Variants in HMOX1 observed in about 807,000 individuals in gnomAD.
The protein encoded by HMOX1 is heme oxygenase 1, also known as heat shock protein, 32-kD.
HMOX1 carries 22 observed loss-of-function variants against 27.8 expected under a neutral mutation model. That is an observed-to-expected ratio of 0.79 (90% CI 0.57 to 1.13). The LOEUF (loss-of-function observed/expected upper bound fraction) is 1.13. Ranked by LOEUF, HMOX1 falls within the 50% of genes most tolerant of loss-of-function variation. The probability of loss-of-function intolerance (pLI) is 0.00; values close to 1 mark genes in which losing one functional copy is unlikely to be tolerated. For synonymous variants in HMOX1, 153 were observed against 151.6 expected (o/e 1.01, Z -0.07); for missense variants, 379 against 377.7 (o/e 1.00, Z -0.03).
At chr22:35,384,888 T>C (rs1433203783) in intron 2 of HMOX1, among the ~76,000 whole-genome samples, 3 of 151,186 alleles carry the variant, frequency 2.0e-5, no homozygotes, top group Non-Finnish European at 2.9e-5. Flanking sequence ...GGCTCACCCA[T>C]GGTCACACAG....
chr22:35,392,582 G>A (rs1456549892), intron 4 of HMOX1, among the ~76,000 whole-genome samples: 1 of 152,126 alleles, frequency 6.6e-6, no homozygotes, highest in Non-Finnish European at 1.5e-5. Flanking sequence ...AAACCCAGCT[G>A]GTCTGGCTCC....
In HMOX1 at chr22:35,387,094, G is replaced by A. The variant is rs867650379; in HGVS notation, c.554G>A (p.Arg185His). ...ATKFKQLYRS[R>H]MNSLEMTPAV... Reference sequence around the variant, plus strand: ...AAGTTCAAGCAGCTCTACCGCTCCCGCATGAACTCCCTGGAGATGACTCCC... The same window carrying A: ...AAGTTCAAGCAGCTCTACCGCTCCCACATGAACTCCCTGGAGATGACTCCC... Residue 185 changes from arginine to histidine, a missense_variant, in exon 3 of 5, where the codon CGC becomes CAC. Physicochemically the swap from Arg to His is conservative, Grantham distance 29. Transcript: ENST00000216117. 24 of 1,613,632 alleles carry A rather than the reference G, an allele frequency of 1.5e-5. No homozygotes were observed. The highest frequency in any genetic ancestry group is 2.2e-5 in the South Asian group (2 of 91,090).
In HMOX1 at chr22:35,391,256, AC is replaced by A. The variant is rs1456468258; in HGVS notation, c.736+1294del. On this transcript the variant is annotated intron_variant, in intron 4 of 4. Transcript: ENST00000216117. ...TATCCCCTCAACGGGGTCTGTGAGG[AC>A]AAAGCATTTTTATAACACTACTACT... is the stretch of plus-strand genomic sequence containing the variant. Among the ~76,000 whole-genome samples, 12 of 136,864 alleles carry A rather than the reference AC, an allele frequency of 8.8e-5. No homozygotes were observed. In the East Asian group the frequency reaches 2.5e-3, roughly 29 times the overall value. The allele number at this position is 136,864 out of a possible 152,430, so 89.8% of individuals were successfully genotyped here.
At chr22:35,385,644 C>G (rs1302260496) in intron 2 of HMOX1, among the ~76,000 whole-genome samples, 4 of 123,004 alleles carry the variant, frequency 3.3e-5, no homozygotes, top group Non-Finnish European at 4.8e-5. Context: ...GAGTCAAAGT[C>G]TTGCTCTGTC....
chr22:35,389,215 C>CTTTCTTTCTTTCTTTCTT (rs1449903335), intron 3 of HMOX1, among the ~76,000 whole-genome samples: 10 of 112,176 alleles, frequency 8.9e-5, no homozygotes, highest in African/African-American at 3.1e-4. Context: ...CTTTCTTTCT[C>CTTTCTTTCTTTCTTTCTT]TCTTTCTTTC....
chr22:35,384,648 T>G (rs1265908964), intron 2 of HMOX1, among the ~76,000 whole-genome samples: 1 of 151,640 alleles, frequency 6.6e-6, no homozygotes, highest in African/African-American at 2.4e-5. Context: ...CAGTGCTCAC[T>G]TACATTAAGC....
intron 3 of HMOX1, 141 bp from the exon 4 acceptor site, chr22:35,389,723 G>A: frequency 2.9e-6 from 2 of 696,458 alleles, no homozygotes; most frequent in South Asian, 3.1e-5. Flanking sequence ...TTACAGGGGC[G>A]CACCACCGTG....
At chr22:35,385,802 G>C (rs1931486879) in intron 2 of HMOX1, among the ~76,000 whole-genome samples, 1 of 151,618 alleles carries the variant, frequency 6.6e-6, no homozygotes, top group Non-Finnish European at 1.5e-5. Context: ...TTTTAGTAGA[G>C]ATAGGGTTTC....
intron 3 of HMOX1, among the ~76,000 whole-genome samples, chr22:35,389,425 T>TTTCTTTCC (rs1931648399): frequency 1.2e-5 from 1 of 81,362 alleles, no homozygotes; most frequent in Non-Finnish European, 2.5e-5. Flanking sequence ...TCTTTCTTTC[T>TTTCTTTCC]TTCTATCTTT....
At chr22:35,389,567 C>T (rs1211493986) in intron 3 of HMOX1, among the ~76,000 whole-genome samples, 3 of 151,222 alleles carry the variant, frequency 2.0e-5, no homozygotes, top group Admixed American at 6.6e-5. Flanking sequence ...CTCAGCCTCC[C>T]GAGTAGCTGG....
At position 35,389,381 on chromosome 22, in the gene HMOX1, TTCCTTCCTTCCTTC is replaced by T. The variant is rs1569057539; in HGVS notation, c.637-482_637-469del. Among the ~76,000 whole-genome samples the T allele has an allele frequency of 1.2e-3, 86 of 71,860 alleles. 1 individual carries two copies. Among genetic ancestry groups the T allele is most frequent in the Non-Finnish European group, 1.6e-3 (63 of 39,538 alleles). 47.1% of individuals were successfully genotyped at this position (71,860 alleles called of 152,430 possible). A position where few individuals can be genotyped will look rare whatever the true frequency, so the allele number is the denominator to read the frequency against. On this transcript the variant is annotated intron_variant, in intron 3 of 4. Transcript: ENST00000216117. ...CTTCCTTCCTTCCTTCCTTCCTTCCTTCCTTCCTTCCTTCCTTTCTTTCTTTCTTTCTTTCTTTC... is the reference window on the plus strand; with the variant it reads ...CTTCCTTCCTTCCTTCCTTCCTTCCTCTTTCTTTCTTTCTTTCTTTCTTTC...
At chr22:35,381,910 G>A (rs17882565) in intron 1 of HMOX1, among the ~76,000 whole-genome samples, 4,414 of 152,148 alleles carry the variant, frequency 0.029, 109 homozygotes, top group Non-Finnish European at 0.047. Flanking sequence ...AGGAGAAAAG[G>A]GAAAAATGAC....
intron 3 of HMOX1, among the ~76,000 whole-genome samples, chr22:35,389,271 T>A (rs1197371634): frequency 8.3e-6 from 1 of 120,614 alleles, no homozygotes; most frequent in Non-Finnish European, 1.6e-5. Flanking sequence ...TCTCTCTCTC[T>A]CTCCTCTCTC....
chr22:35,385,842 A>G (rs992087415), intron 2 of HMOX1, among the ~76,000 whole-genome samples: 34 of 151,812 alleles, frequency 2.2e-4, no homozygotes, highest in Admixed American at 2.1e-3. Flanking sequence ...TCTCTTGGCC[A>G]GGCTGGTCTC....
At chr22:35,388,568 A>C (rs1931565652) in intron 3 of HMOX1, among the ~76,000 whole-genome samples, 1 of 152,002 alleles carries the variant, frequency 6.6e-6, no homozygotes, top group African/African-American at 2.4e-5. Flanking sequence ...CGGGTGGATC[A>C]CGAAGTCAGG....
At chr22:35,384,357 T>C (rs988283397) in intron 2 of HMOX1, among the ~76,000 whole-genome samples, 1 of 151,894 alleles carries the variant, frequency 6.6e-6, no homozygotes, top group Admixed American at 6.6e-5. Flanking sequence ...GTGCTGGGAT[T>C]AGAGGTGTGA....
intron 4 of HMOX1, among the ~76,000 whole-genome samples, chr22:35,393,130 G>C (rs1931764105): frequency 6.6e-6 from 1 of 152,192 alleles, no homozygotes; most frequent in African/African-American, 2.4e-5. Flanking sequence ...GAGTTTGAGA[G>C]GAAGATTTAC....
At chr22:35,385,459 A>T (rs1931479144) in intron 2 of HMOX1, among the ~76,000 whole-genome samples, 1 of 144,436 alleles carries the variant, frequency 6.9e-6, no homozygotes. Context: ...TTTCTGAGAC[A>T]GGGTCTTGCT....
At chr22:35,384,633 G>T (rs531982885) in intron 2 of HMOX1, among the ~76,000 whole-genome samples, 84 of 151,954 alleles carry the variant, frequency 5.5e-4, no homozygotes, top group African/African-American at 1.9e-3. Context: ...ATCCATGAGA[G>T]AATCCAGTGC....
Sources: allele counts gnomAD v4.1 joint callset (sites outside exome capture counted in the v4.1 genomes callset), GRCh38; gene constraint gnomAD v4.1.1; transcripts MANE v1.5; gene names NCBI Gene and HGNC (gene_info 2026-07-23, HGNC 2026-07-21).